The following MPRIP variants were observed in gnomAD, a reference collection of about 807,000 sequenced individuals.
MPRIP encodes the protein myosin phosphatase Rho-interacting protein.
MPRIP carries 59 observed loss-of-function variants against 234.9 expected under a neutral mutation model. The ratio of observed to expected loss-of-function variants is 0.25; its 90% confidence interval spans 0.20 to 0.31. The LOEUF is 0.31. Among genes scored for constraint, MPRIP ranks in the 10% least tolerant of loss-of-function variants. The pLI is 1.00. For missense variants in MPRIP, 2,436 were observed against 3,071.0 expected, an observed-to-expected ratio of 0.79 and a Z score of 4.89; for synonymous variants, 1,144 against 1,263.9, an observed-to-expected ratio of 0.91 and a Z score of 2.01.
intron 4 of MPRIP, 87 bp from the exon 5 acceptor site, chr17:17,131,530 A>G: frequency 9.0e-7 from 1 of 1,110,770 alleles, no homozygotes; most frequent in East Asian, 2.4e-5. Context: ...GCCCTGCTCT[A>G]CTCCTGGACC....
chr17:17,057,804 G>A (rs2088750662), intron 1 of MPRIP: 2 of 683,542 alleles, frequency 2.9e-6, no homozygotes, highest in East Asian at 5.4e-5. Context: ...GACCTCCAGG[G>A]ATCTTCACAG....
rs763934710 is a variant in MPRIP, at chr17:17,167,531, G to T, written c.5940G>T (p.Ser1980=). 2 of 1,304,228 alleles carry T rather than the reference G, an allele frequency of 1.5e-6. No individual in the cohort carries two copies. Among genetic ancestry groups the T allele is most frequent in the Non-Finnish European group, 2.0e-6 (2 of 988,958 alleles). 80.8% of individuals were successfully genotyped at this position (1,304,228 alleles called of 1,614,324 possible). ...RSRVLSQLDA[S]VRDRQDMERH... ...GGGTCCTGAGCCAGCTGGATGCCTCGGTCAGAGACAGGCAGGACATGGAGA... is the reference window on the plus strand; with the variant it reads ...GGGTCCTGAGCCAGCTGGATGCCTCTGTCAGAGACAGGCAGGACATGGAGA... Residue 1980 remains serine, a synonymous_variant, in exon 16 of 24, where the codon TCG becomes TCT. Coordinates refer to ENST00000651222, the MANE Select transcript of MPRIP (RefSeq NM_001364716.4). The surrounding 1 kb of genome is among the most constrained non-coding windows in gnomAD (Gnocchi z 5.9).
chr17:17,137,157 T>C (rs1211547107), intron 6 of MPRIP, among the ~76,000 whole-genome samples: 2 of 152,116 alleles, frequency 1.3e-5, no homozygotes, highest in Non-Finnish European at 2.9e-5. Flanking sequence ...CATTCAAAAA[T>C]CTATTCACTC....
intron 12 of MPRIP, among the ~76,000 whole-genome samples, chr17:17,153,443 C>T (rs2045650871): frequency 6.6e-6 from 1 of 152,048 alleles, no homozygotes; most frequent in African/African-American, 2.4e-5. Context: ...CCATGCAGGC[C>T]ACTGGCCCTC....
chr17:17,156,917 G>A (rs1314491133), intron 13 of MPRIP, among the ~76,000 whole-genome samples: 4 of 152,206 alleles, frequency 2.6e-5, no homozygotes, highest in South Asian at 4.1e-4. Flanking sequence ...AGGTGGTGAC[G>A]GCAACCATTT....
In MPRIP at chr17:17,147,268, A is replaced by G. The variant is rs759081045; in HGVS notation, c.1561-51A>G. 1.9e-6 allele frequency: 3 copies of G among 1,564,376 alleles called. No homozygotes were observed. In the Admixed American group the frequency reaches 5.0e-5, roughly 26 times the overall value. ...TGCGCACCGCCGTGGCGTGGCAGGC[A>G]TGCTGTATAGGAGTTGGTAGTCGAG... On this transcript the variant is annotated intron_variant, in intron 10 of 23. Transcript: ENST00000651222.
At chr17:17,135,759 A>G (rs2090682942) in intron 5 of MPRIP, among the ~76,000 whole-genome samples, 1 of 152,198 alleles carries the variant, frequency 6.6e-6, no homozygotes, top group South Asian at 2.1e-4. Context: ...GGATTTCAAC[A>G]CATGAGTTGT....
At position 17,151,207 on chromosome 17, in the gene MPRIP, G is replaced by T. The variant is rs149593136; in HGVS notation, c.1719+974G>T. The stretch of plus-strand genomic sequence containing the variant: ...TCTGACACCAGTTGTGAGTCCGGAG[G>T]TTTCCAAAACCACCTTCAGTTTCAA... On this transcript the variant is annotated intron_variant, in intron 12 of 23. Transcript: ENST00000651222. Among the ~76,000 whole-genome samples the T allele has an allele frequency of 9.2e-5, 14 of 152,110 alleles. No individual in the cohort carries two copies. In the East Asian group the frequency reaches 1.9e-3, roughly 21 times the overall value.
intron 3 of MPRIP, among the ~76,000 whole-genome samples, chr17:17,109,483 C>T (rs1057314390): frequency 6.6e-6 from 1 of 152,140 alleles, no homozygotes; most frequent in Non-Finnish European, 1.5e-5. Context: ...AACAGGCAGG[C>T]AAGGGAAGGA....
At chr17:17,145,507 G>T (rs927980357) in intron 9 of MPRIP, among the ~76,000 whole-genome samples, 4 of 152,224 alleles carry the variant, frequency 2.6e-5, no homozygotes, top group Non-Finnish European at 4.4e-5. Flanking sequence ...TGCTTCTTGT[G>T]GGGGAATACA....
chr17:17,174,123 G>A lies in MPRIP; in HGVS notation c.6750+48G>A. 2.5e-6 allele frequency: 4 copies of A among 1,600,274 alleles called. 1 individual carries two copies. Among genetic ancestry groups the A allele is most frequent in the Non-Finnish European group, 1.7e-6 (2 of 1,172,418 alleles). ...CCAAGGTTAGTCAGGGGCACTCAAGGTCAGGTAGACCCATAGTCAGGTGAG... is the reference window on the plus strand; with the variant it reads ...CCAAGGTTAGTCAGGGGCACTCAAGATCAGGTAGACCCATAGTCAGGTGAG... On this transcript the variant is annotated intron_variant, in intron 19 of 23. Transcript: ENST00000651222.
At chr17:17,084,562 G>C (rs552160812) in intron 3 of MPRIP, among the ~76,000 whole-genome samples, 47 of 152,256 alleles carry the variant, frequency 3.1e-4, no homozygotes, top group Non-Finnish European at 6.0e-4. Context: ...GTGTAGGCAA[G>C]GCAGACTCCT....
chr17:17,096,015 T>C (rs1336168603), intron 3 of MPRIP, among the ~76,000 whole-genome samples: 1 of 152,094 alleles, frequency 6.6e-6, no homozygotes, highest in African/African-American at 2.4e-5. Flanking sequence ...ACACACTTTA[T>C]GGTCATATTA....
chr17:17,055,814 T>A (rs1203174100), intron 1 of MPRIP, among the ~76,000 whole-genome samples: 1 of 151,776 alleles, frequency 6.6e-6, no homozygotes, highest in Non-Finnish European at 1.5e-5. Context: ...TGCTGAAGGG[T>A]GGCCTGCCCT....
intron 1 of MPRIP, among the ~76,000 whole-genome samples, chr17:17,056,460 GC>G (rs2088700619): frequency 6.6e-6 from 1 of 152,188 alleles, no homozygotes; most frequent in South Asian, 2.1e-4. Flanking sequence ...AGGGGCAGGG[GC>G]CGGGGCTGGG....
chr17:17,151,995 T>C (rs1417765764), intron 12 of MPRIP, among the ~76,000 whole-genome samples: 1 of 152,240 alleles, frequency 6.6e-6, no homozygotes, highest in African/African-American at 2.4e-5. Context: ...TGATCCAGTA[T>C]TTGGGGCTCA....
chr17:17,166,139 C>A lies in MPRIP; in HGVS notation c.4548C>A (p.Ile1516=). 1.5e-6 allele frequency: 2 copies of A among 1,302,002 alleles called. No homozygotes were observed. Among genetic ancestry groups the A allele is most frequent in the Non-Finnish European group, 2.0e-6 (2 of 987,600 alleles). 80.7% of individuals were successfully genotyped at this position (1,302,002 alleles called of 1,614,324 possible). Residue 1516 remains isoleucine (I), a synonymous_variant, in exon 16 of 24, where the codon ATC becomes ATA. Coordinates refer to ENST00000651222, the MANE Select transcript of MPRIP (RefSeq NM_001364716.4). The surrounding 1 kb of genome is among the most constrained non-coding windows in gnomAD (Gnocchi z 4.4). ...ASVESALVSA[I]QALQHWPAPA... ...TGGAGAGTGCACTCGTCAGCGCCAT[C>A]CAAGCCCTGCAGCACTGGCCGGCCC...
At chr17:17,178,791 C>T (rs989171709) in intron 22 of MPRIP, 1 of 149,982 alleles carries the variant, frequency 6.7e-6, no homozygotes, top group Admixed American at 6.7e-5. Flanking sequence ...CTGGCATGCA[C>T]CTGTAGTCCC....
At chr17:17,123,843 T>A (rs1416036242) in intron 3 of MPRIP, among the ~76,000 whole-genome samples, 1 of 152,138 alleles carries the variant, frequency 6.6e-6, no homozygotes, top group Non-Finnish European at 1.5e-5. Context: ...GTTAAAATAT[T>A]CCCTTCTTTG....
Sources: allele counts gnomAD v4.1 joint callset (sites outside exome capture counted in the v4.1 genomes callset), GRCh38; gene constraint gnomAD v4.1.1; non-coding constraint Gnocchi (gnomAD v3.1); transcripts MANE v1.5; gene names NCBI Gene and HGNC (gene_info 2026-07-23, HGNC 2026-07-21).